Variants in CA10 observed in about 807,000 individuals in gnomAD.
The protein encoded by CA10 is carbonic anhydrase 10 (inactive), also known as carbonic anhydrase-related protein 10.
Under a neutral mutation model 44.2 loss-of-function variants are expected in CA10, and 14 were observed. The ratio of observed to expected loss-of-function variants is 0.32; its 90% CI spans 0.21 to 0.50. The LOEUF is 0.50. Ranked by LOEUF, CA10 falls within the 20% of genes least tolerant of loss-of-function variation. CA10 has a pLI of 0.99. For missense variants in CA10, 350 were observed against 409.7 expected (o/e 0.85, Z 1.26); for synonymous variants, 159 against 141.6 (o/e 1.12, Z -0.87).
rs559091979 is a variant in CA10 at position 51,754,096 on chromosome 17, G to A, written c.280-6278C>T. Among the ~76,000 whole-genome samples the A allele has an allele frequency of 9.2e-5, 14 of 151,864 alleles. No individual in the cohort carries two copies. The South Asian group carries it at 2.9e-3, about 32-fold the overall frequency. On this transcript the variant is annotated intron_variant, in intron 3 of 8. Transcript: ENST00000451037. ...TGACCTCAGGTGATCCACCTGCCTCGGCCTCCCAAAGTGCTGGGATTACAG... is the reference window on the plus strand; with the variant it reads ...TGACCTCAGGTGATCCACCTGCCTCAGCCTCCCAAAGTGCTGGGATTACAG...
At chr17:52,021,940 G>A (rs1357681874) in intron 2 of CA10, among the ~76,000 whole-genome samples, 1 of 151,966 alleles carries the variant, frequency 6.6e-6, no homozygotes, top group Non-Finnish European at 1.5e-5. Context: ...AAAGGCCCAG[G>A]ACCAGGTGGA....
intron 2 of CA10, among the ~76,000 whole-genome samples, chr17:52,027,457 C>A (rs183195824): frequency 1.4e-4 from 21 of 152,290 alleles, no homozygotes; most frequent in Non-Finnish European, 2.5e-4. Context: ...TCTCAGTTTT[C>A]TCATCTATAA....
intron 4 of CA10, among the ~76,000 whole-genome samples, chr17:51,673,164 A>T (rs998092553): frequency 3.9e-5 from 6 of 152,010 alleles, no homozygotes; most frequent in Admixed American, 6.6e-5. Context: ...GAGAAAATGA[A>T]CCCCCTAGCC....
chr17:52,091,101 C>A (rs1988252711), intron 1 of CA10, among the ~76,000 whole-genome samples: 1 of 151,708 alleles, frequency 6.6e-6, no homozygotes. Flanking sequence ...AAAATACTAT[C>A]TGAAAAAAAT....
intron 1 of CA10, among the ~76,000 whole-genome samples, chr17:52,090,859 C>A (rs900005482): frequency 6.6e-6 from 1 of 152,088 alleles, no homozygotes; most frequent in African/African-American, 2.4e-5. Context: ...ATCTGATGAT[C>A]TGGGCTTCTT....
chr17:51,926,134 T>C (rs138792413), intron 3 of CA10, among the ~76,000 whole-genome samples: 242 of 152,190 alleles, frequency 1.6e-3, no homozygotes, highest in Middle Eastern at 3.4e-3. Flanking sequence ...ACAGGACCCA[T>C]ATGAAGAACT....
rs1988836495 is a variant in CA10 at position 52,113,854 on chromosome 17, A to G, written c.62-41461T>C. ...ACAATGTGTGTTAATCAGTCGCTGA[A>G]CCTTGTTTTCTAACAACTTCAGCTG... On this transcript the variant is annotated intron_variant, in intron 1 of 8. Coordinates refer to ENST00000451037, the MANE Select transcript of CA10 (RefSeq NM_020178.5). Among the ~76,000 whole-genome samples the G allele has an allele frequency of 3.9e-5, 6 of 152,246 alleles. No homozygotes were observed. In the South Asian group the frequency reaches 1.2e-3, roughly 32 times the overall value.
At chr17:51,757,999 C>T (rs1021670072) in intron 3 of CA10, among the ~76,000 whole-genome samples, 4 of 152,074 alleles carry the variant, frequency 2.6e-5, no homozygotes, top group East Asian at 1.9e-4. Context: ...CGATCTGCTT[C>T]GAGTTACCAT....
intron 4 of CA10, among the ~76,000 whole-genome samples, chr17:51,658,929 C>T (rs1913900006): frequency 6.6e-6 from 1 of 152,146 alleles, no homozygotes; most frequent in Non-Finnish European, 1.5e-5. Context: ...TCCAGGACAC[C>T]TTCCATGAAA....
chr17:51,733,962 C>A (rs1490089557), intron 4 of CA10, among the ~76,000 whole-genome samples: 3 of 151,956 alleles, frequency 2.0e-5, no homozygotes, highest in Admixed American at 6.6e-5. Context: ...CTGGGAGGTG[C>A]AAAATGACTG....
chr17:51,830,357 G>A (rs1360417673), intron 3 of CA10, among the ~76,000 whole-genome samples: 2 of 151,744 alleles, frequency 1.3e-5, no homozygotes, highest in Non-Finnish European at 1.5e-5. Flanking sequence ...ATGCCTTTTT[G>A]TTCTCTCTCT....
chr17:52,008,141 T>C (rs1275387367), intron 2 of CA10, among the ~76,000 whole-genome samples: 1 of 151,810 alleles, frequency 6.6e-6, no homozygotes, highest in East Asian at 1.9e-4. Context: ...GTTTTACTTG[T>C]ATTGATCATC....
intron 2 of CA10, among the ~76,000 whole-genome samples, chr17:52,016,437 C>T (rs1304894627): frequency 6.6e-6 from 1 of 152,076 alleles, no homozygotes; most frequent in African/African-American, 2.4e-5. Context: ...TTGCAAAAAG[C>T]TAATTTGATT....
chr17:51,896,209 C>T lies in CA10; in HGVS notation c.279+34781G>A, dbSNP rs372702812. Among the ~76,000 whole-genome samples, 179 of 152,052 alleles carry T rather than the reference C, an allele frequency of 1.2e-3. 5 individuals are homozygous for T. In the South Asian group the frequency reaches 0.035, roughly 30 times the overall value. On this transcript the variant is annotated intron_variant, in intron 3 of 8. Transcript: ENST00000451037. ...TCAGCCAGGTAATAAGCATAGTACC[C>T]GGCAGGTAGTTTTCCAGTCCTCATC...
At chr17:51,940,744 C>T (rs1983046937) in intron 2 of CA10, among the ~76,000 whole-genome samples, 1 of 151,762 alleles carries the variant, frequency 6.6e-6, no homozygotes, top group Admixed American at 6.6e-5. Flanking sequence ...TGTTCTGGCT[C>T]CAGATTCCTT....
intron 2 of CA10, among the ~76,000 whole-genome samples, chr17:52,045,922 T>A (rs928159849): frequency 6.6e-6 from 1 of 151,952 alleles, no homozygotes; most frequent in African/African-American, 2.4e-5. Flanking sequence ...ATATGAGTAA[T>A]AGGAATATAC....
At chr17:51,672,219 CAAACA>C (rs1914454884) in intron 4 of CA10, among the ~76,000 whole-genome samples, 1 of 152,244 alleles carries the variant, frequency 6.6e-6, no homozygotes, top group Non-Finnish European at 1.5e-5. Context: ...TCGTCACACA[CAAACA>C]ATACTACTGC....
In CA10 at chr17:51,649,230, G is replaced by A. The variant is rs1433965173; in HGVS notation, c.586C>T (p.Leu196Phe). ...GTATCTCTGTTGAGCATTCGATTAA[G>A]AAATGGGTTTGATGAATCAGAAACC... ...IKVSDSSNPF[L>F]NRMLNRDTIT... The change falls in exon 6 of 9, where the codon CTT (leucine) becomes TTT (phenylalanine). Residue 196 changes from leucine (L) to phenylalanine (F), a missense_variant. By Grantham distance (22) the Leu-to-Phe change is conservative. Coordinates refer to ENST00000451037, the MANE Select transcript of CA10 (RefSeq NM_020178.5). 7.4e-6 allele frequency: 12 copies of A among 1,613,238 alleles called. No individual in the cohort carries two copies. Among genetic ancestry groups the A allele is most frequent in the Non-Finnish European group, 1.7e-6 (2 of 1,179,314 alleles).
intron 3 of CA10, among the ~76,000 whole-genome samples, chr17:51,782,310 C>T (rs552669162): frequency 6.6e-6 from 1 of 152,320 alleles, no homozygotes; most frequent in Non-Finnish European, 1.5e-5. Context: ...TAACAGCTGC[C>T]TGAAAATCTA....
Sources: gnomAD v4.1 joint callset for allele counts (sites outside exome capture counted in the v4.1 genomes callset) on GRCh38, gnomAD v4.1.1 for gene constraint, MANE v1.5 for transcripts, NCBI Gene and HGNC (gene_info 2026-07-23, HGNC 2026-07-21) for gene names.